The following PFAS variants were observed in gnomAD, a reference collection of about 807,000 sequenced individuals.
PFAS encodes phosphoribosylformylglycinamidine synthase.
In PFAS, 97 loss-of-function variants were observed where a neutral mutation model predicts 140.6. The ratio of observed to expected loss-of-function variants is 0.69; its 90% CI spans 0.59 to 0.82. PFAS has a LOEUF of 0.82. Among genes scored for constraint, PFAS ranks in the 40% least tolerant of loss-of-function variants. PFAS has a pLI of 0.00. For missense variants in PFAS, 1,656 were observed against 1,780.2 expected, an observed-to-expected ratio of 0.93 and a Z score of 1.26; for synonymous variants, 679 against 718.8, an observed-to-expected ratio of 0.94 and a Z score of 0.88.
Position 8,256,556 on chromosome 17 carries a change from G to T in PFAS, c.854G>T (p.Arg285Leu). 1 of 1,614,138 alleles carries T rather than the reference G, an allele frequency of 6.2e-7. No individual in the cohort carries two copies. Among genetic ancestry groups the T allele is most frequent in the East Asian group, 2.2e-5 (1 of 44,892 alleles). Residue 285 changes from arginine (R) to leucine (L), a missense_variant, in exon 8 of 28, where the codon CGG (arginine) becomes CTG (leucine). Physicochemically the swap from Arg to Leu is moderately radical, Grantham distance 102. Transcript: ENST00000314666. Reference protein sequence around the residue: ...AIQGKEVRFLRPEDPTRPSRF... With the variant: ...AIQGKEVRFLLPEDPTRPSRF... ...CAGGGAAAGGAAGTCCGATTCCTAC[G>T]GCCTGAGGACCCCACACGGCCAAGC...
chr17:8,255,899 G>C lies in PFAS; in HGVS notation c.669G>C (p.Ala223=), dbSNP rs750519146. The C allele has an allele frequency of 5.0e-6, 8 of 1,612,320 alleles. No individual in the cohort carries two copies. The South Asian group carries it at 8.8e-5, about 18-fold the overall frequency. ...GCACTGTGGAGGCCTTTGACTTGGC[G>C]CAGTCCAATAGGTGAGGAGAAATGG... is the stretch of plus-strand genomic sequence containing the variant. The part of the protein sequence containing the change: ...NPSTVEAFDL[A]QSNSEHSRHW... Residue 223 remains alanine (A), a synonymous_variant, in exon 6 of 28, where the codon GCG becomes GCC. Coordinates refer to ENST00000314666, the MANE Select transcript of PFAS (RefSeq NM_012393.3).
intron 10 of PFAS, 64 bp downstream of exon 10, chr17:8,258,002 C>G: frequency 6.2e-7 from 1 of 1,612,310 alleles, no homozygotes; most frequent in East Asian, 2.2e-5. Flanking sequence ...GTGTGCGACC[C>G]AGGGGCTGTG....
In PFAS at chr17:8,257,957, G is replaced by A; in HGVS notation, c.1207+19G>A. The A allele has an allele frequency of 6.2e-7, 1 of 1,613,700 alleles. No individual in the cohort carries two copies. The highest frequency in any genetic ancestry group is 2.2e-5 in the East Asian group (1 of 44,874). On this transcript the variant is annotated intron_variant, in intron 10 of 27. Transcript: ENST00000314666. The stretch of plus-strand genomic sequence containing the variant: ...CTGGCTGGTGAGGCTGGGGTGTGGA[G>A]GGATGACAAACACCCAGAGGGGCTT...
rs962208287 is a variant in PFAS at position 8,251,523 on chromosome 17, G to A, written c.-80+2184G>A. Among the ~76,000 whole-genome samples the A allele has an allele frequency of 2.6e-5, 4 of 151,978 alleles. No homozygotes were observed. The South Asian group carries it at 8.3e-4, about 32-fold the overall frequency. The stretch of plus-strand genomic sequence containing the variant: ...GCTGGTCTCAAACTCCTGGGCTCAA[G>A]CAGTCCACTGCTTTGGCCTCCCAAA... On this transcript the variant is annotated intron_variant, in intron 1 of 27. Coordinates refer to ENST00000314666, the MANE Select transcript of PFAS (RefSeq NM_012393.3).
At position 8,253,685 on chromosome 17, in the gene PFAS, G is replaced by A. The variant is rs540701238; in HGVS notation, c.-79-174G>A. Among the ~76,000 whole-genome samples, 658 of 152,054 alleles carry A rather than the reference G, an allele frequency of 4.3e-3. 1 individual carries two copies. Among genetic ancestry groups the A allele is most frequent in the Non-Finnish European group, 7.3e-3 (497 of 67,976 alleles). On this transcript the variant is annotated intron_variant, in intron 1 of 27. Transcript: ENST00000314666. ...CTCCCTAGTAACTGTGATTACAGGC[G>A]CCCGCCACCACACCCAGCTAATTTT...
intron 9 of PFAS, among the ~76,000 whole-genome samples, chr17:8,257,327 T>C (rs1336740278): frequency 5.9e-5 from 9 of 151,594 alleles, no homozygotes; most frequent in Non-Finnish European, 1.0e-4. Flanking sequence ...GAGGCTGAGG[T>C]GGGCGGATCA....
intron 15 of PFAS, 64 bp from the exon 16 acceptor site, chr17:8,264,148 A>G: frequency 6.3e-7 from 1 of 1,599,762 alleles, no homozygotes; most frequent in Non-Finnish European, 8.6e-7. Flanking sequence ...CCTGATTTCT[A>G]GGAACATTCC....
At chr17:8,258,251 G>A (rs1400216645) in intron 11 of PFAS, 52 bp downstream of exon 11, 3 of 1,604,028 alleles carry the variant, frequency 1.9e-6, no homozygotes, top group East Asian at 4.5e-5. Flanking sequence ...CCCCAGCACA[G>A]GATGGCTACA....
Position 8,268,530 on chromosome 17 carries a change from T to G in PFAS, c.3383-3T>G. ...TCACCCTGACTTCCCTATTCCCTGCTAGGGTGGGCAGCTGCTGTGACCTTT... is the reference window on the plus strand; with the variant it reads ...TCACCCTGACTTCCCTATTCCCTGCGAGGGTGGGCAGCTGCTGTGACCTTT... On this transcript the variant is annotated splice_region_variant and splice_polypyrimidine_tract_variant and intron_variant, in intron 26 of 27. Transcript: ENST00000314666. 6.2e-7 allele frequency: 1 copy of G among 1,610,198 alleles called. No homozygotes were observed. The highest frequency in any genetic ancestry group is 8.5e-7 in the Non-Finnish European group (1 of 1,178,462).
At chr17:8,261,014 C>T (rs1476304465) in intron 11 of PFAS, among the ~76,000 whole-genome samples, 1 of 152,144 alleles carries the variant, frequency 6.6e-6, no homozygotes, top group Non-Finnish European at 1.5e-5. Context: ...TAACTATGTT[C>T]AGCTTTTCAA....
chr17:8,248,088 G>T (rs1311118063), upstream of PFAS: 4 of 971,206 alleles, frequency 4.1e-6, no homozygotes, highest in Non-Finnish European at 6.3e-6. Flanking sequence ...TTGGGGGTGG[G>T]GATGGGGGTG....
rs1989375983 is a variant in PFAS, at chr17:8,256,590, G to A, written c.888G>A (p.Gln296=). ...ACCCCACACGGCCAAGCCGCTTCCA[G>A]CAACAGCAAGGGCTGAGACATGTTG... ...PEDPTRPSRF[Q]QQQGLRHVVF... Residue 296 remains glutamine, a synonymous_variant, in exon 8 of 28, where the codon CAG becomes CAA. Coordinates refer to ENST00000314666, the MANE Select transcript of PFAS (RefSeq NM_012393.3). The A allele has an allele frequency of 6.2e-7, 1 of 1,614,078 alleles. No homozygotes were observed. Among genetic ancestry groups the A allele is most frequent in the Admixed American group, 1.7e-5 (1 of 60,004 alleles).
In PFAS at chr17:8,267,024, C is replaced by G. The variant is rs780535148; in HGVS notation, c.2968-4C>G. 126 of 1,613,540 alleles carry G rather than the reference C, an allele frequency of 7.8e-5. No individual in the cohort carries two copies. Among genetic ancestry groups the G allele is most frequent in the Non-Finnish European group, 8.5e-6 (10 of 1,179,978 alleles). ...GCCCGTGGGAGATTTGTTCCTCTTC[C>G]TAGGTCCGGGTGTCAGTGAACGGGG... is the stretch of plus-strand genomic sequence containing the variant. On this transcript the variant is annotated splice_polypyrimidine_tract_variant and splice_region_variant and intron_variant, in intron 23 of 27. Coordinates refer to ENST00000314666, the MANE Select transcript of PFAS (RefSeq NM_012393.3). The surrounding 1 kb of genome is among the most constrained non-coding windows in gnomAD (Gnocchi z 4.9).
At chr17:8,257,528 C>T (rs1050440608) in intron 9 of PFAS, among the ~76,000 whole-genome samples, 4 of 152,036 alleles carry the variant, frequency 2.6e-5, no homozygotes, top group African/African-American at 9.7e-5. Context: ...TGCACGCTAG[C>T]CTGGGTGATA....
rs772961238 is a variant in PFAS, at chr17:8,256,583, G to A, written c.881G>A (p.Arg294His). 12 of 1,614,022 alleles carry A rather than the reference G, an allele frequency of 7.4e-6. No homozygotes were observed. The highest frequency in any genetic ancestry group is 2.2e-5 in the East Asian group (1 of 44,900). ...LRPEDPTRPS[R>H]FQQQQGLRHV... is the part of the protein sequence containing the mutation. ...CCTGAGGACCCCACACGGCCAAGCC[G>A]CTTCCAGCAACAGCAAGGGCTGAGA... The change falls in exon 8 of 28, where the codon CGC (arginine) becomes CAC (histidine). Residue 294 changes from arginine to histidine, a missense_variant. By Grantham distance (29) the Arg-to-His change is conservative. Around this residue, in one of 2 missense-constraint regions of PFAS, gnomAD observed 773 missense variants for 757.3 expected, o/e 1.02. Transcript: ENST00000314666.
Position 8,262,710 on chromosome 17 carries a change from C to T in PFAS, c.1337-210C>T, listed in dbSNP as rs182735900. 7.2e-5 allele frequency among the ~76,000 whole-genome samples: 11 copies of T among 152,112 alleles called. 1 individual carries two copies. The highest frequency in any genetic ancestry group is 2.0e-4 in the Admixed American group (3 of 15,272). On this transcript the variant is annotated intron_variant, in intron 11 of 27. Coordinates refer to ENST00000314666, the MANE Select transcript of PFAS (RefSeq NM_012393.3). The stretch of plus-strand genomic sequence containing the variant: ...ACTCAGGAGGCTGAGGCAGGAATAT[C>T]GCTTGAACCCAGGAGACGGAGGTTG...
intron 11 of PFAS, among the ~76,000 whole-genome samples, chr17:8,258,622 C>T (rs1232152638): frequency 6.6e-6 from 1 of 152,098 alleles, no homozygotes; most frequent in African/African-American, 2.4e-5. Flanking sequence ...AGGTGGATCA[C>T]CTGAGATCAG....
intron 11 of PFAS, 123 bp from the exon 12 acceptor site, chr17:8,262,795 CAA>C (rs377646977): frequency 6.1e-4 from 373 of 615,432 alleles, no homozygotes; most frequent in Middle Eastern, 9.5e-4. Flanking sequence ...GACTCCATCT[CAA>C]AAAAAAAAAA....
Position 8,267,680 on chromosome 17 carries a change from T to G in PFAS, c.3382+15T>G, listed in dbSNP as rs1597431110. ...CTCTGCCAAAGGTCAGTGTGCAGGCTTCTGCCCACTCCCTTCCCCCACATT... is the reference window on the plus strand; with the variant it reads ...CTCTGCCAAAGGTCAGTGTGCAGGCGTCTGCCCACTCCCTTCCCCCACATT... On this transcript the variant is annotated intron_variant, in intron 26 of 27. Transcript: ENST00000314666. This position sits in a 1 kb window ranked among gnomAD's most constrained non-coding sequence, Gnocchi z 4.9. The G allele has an allele frequency of 7.3e-7, 1 of 1,368,814 alleles. No homozygotes were observed. Among genetic ancestry groups the G allele is most frequent in the African/African-American group, 1.4e-5 (1 of 70,560 alleles). 84.8% of individuals were successfully genotyped at this position (1,368,814 alleles called of 1,614,324 possible).
Sources: allele counts gnomAD v4.1 joint callset (sites outside exome capture counted in the v4.1 genomes callset), GRCh38; gene constraint gnomAD v4.1.1; regional missense constraint gnomAD v4.1.1; non-coding constraint Gnocchi (gnomAD v3.1); transcripts MANE v1.5; gene names NCBI Gene and HGNC (gene_info 2026-07-23, HGNC 2026-07-21).